Variants in ZNF407 observed in about 807,000 individuals in gnomAD.
The protein encoded by ZNF407 is zinc finger protein 407.
A neutral mutation model predicts 131.2 loss-of-function variants in ZNF407; 17 were observed. The ratio of observed to expected loss-of-function variants is 0.13; its 90% CI spans 0.09 to 0.19. The LOEUF is 0.19. Ranked by LOEUF, ZNF407 falls within the 10% of genes least tolerant of loss-of-function variation. The pLI is 1.00. For missense variants in ZNF407, 2,681 were observed against 2,830.6 expected, an observed-to-expected ratio of 0.95 and a Z score of 1.20; for synonymous variants, 1,156 against 1,062.0, an observed-to-expected ratio of 1.09 and a Z score of -1.72.
chr18:74,724,757 G>T (rs1968118081), intron 3 of ZNF407, among the ~76,000 whole-genome samples: 1 of 152,086 alleles, frequency 6.6e-6, no homozygotes, highest in African/African-American at 2.4e-5. Context: ...CATGTTGGTT[G>T]TTCACAGTTT....
intron 3 of ZNF407, among the ~76,000 whole-genome samples, chr18:74,759,302 A>G (rs995562916): frequency 1.3e-5 from 2 of 152,086 alleles, no homozygotes; most frequent in Non-Finnish European, 2.9e-5. Flanking sequence ...GACAGTTTGA[A>G]TATGTGGTAT....
intron 8 of ZNF407, among the ~76,000 whole-genome samples, chr18:75,020,645 T>C (rs188692329): frequency 6.6e-6 from 1 of 152,280 alleles, no homozygotes; most frequent in East Asian, 1.9e-4. Flanking sequence ...ATTAGAGCTA[T>C]AATCAATTAG....
chr18:75,028,085 A>G (rs1181694051), intron 8 of ZNF407, among the ~76,000 whole-genome samples: 1 of 152,196 alleles, frequency 6.6e-6, no homozygotes, highest in African/African-American at 2.4e-5. Flanking sequence ...TACTCATTCA[A>G]AACTGTGTTT....
rs1178021697 is a variant in ZNF407 at position 75,063,692 on chromosome 18, G to A, written c.5971G>A (p.Ala1991Thr). The stretch of plus-strand genomic sequence containing the variant: ...CCCCGAGGCATCCTCAGCCCTGGAT[G>A]CATTGCTCTGTGCGGTCACTGAATT... ...APPEASSALD[A>T]LLCAVTELGE... Residue 1991 changes from alanine to threonine, a missense_variant, in exon 9 of 9, where the codon GCA (alanine) becomes ACA (threonine). Coordinates refer to ENST00000299687, the MANE Select transcript of ZNF407 (RefSeq NM_017757.3). This position sits in a 1 kb window ranked among gnomAD's most constrained non-coding sequence, Gnocchi z 6.6. The A allele has an allele frequency of 4.3e-6, 7 of 1,611,698 alleles. No individual in the cohort carries two copies. The highest frequency in any genetic ancestry group is 2.2e-5 in the East Asian group (1 of 44,838).
At chr18:75,051,072 G>GT (rs2033647698) in intron 8 of ZNF407, among the ~76,000 whole-genome samples, 4 of 152,166 alleles carry the variant, frequency 2.6e-5, no homozygotes, top group Admixed American at 2.6e-4. Flanking sequence ...AGCTCTCGGT[G>GT]TAGCAGGAAA....
rs768780666 is a variant in ZNF407 at position 74,631,584 on chromosome 18, A to G, written c.565A>G (p.Ser189Gly). ...GAATGTAGATACAGTTCTCAAATGC[A>G]GCATCTGTGGGCATTTGTTTTCTTC... ...IGNVDTVLKC[S>G]ICGHLFSSCS... Residue 189 changes from serine (S) to glycine (G), a missense_variant, in exon 2 of 9, where the codon AGC becomes GGC. Ser to Gly is a moderately conservative substitution (Grantham distance 56). Around this residue, in one of 6 missense-constraint regions of ZNF407, gnomAD observed 1,789 missense variants for 1,748.7 expected, o/e 1.02. Transcript: ENST00000299687. 13 of 1,613,680 alleles carry G rather than the reference A, an allele frequency of 8.1e-6. No individual in the cohort carries two copies. The East Asian group carries it at 2.7e-4, about 33-fold the overall frequency.
intron 8 of ZNF407, among the ~76,000 whole-genome samples, chr18:74,962,915 A>G (rs755759218): frequency 4.6e-5 from 7 of 152,242 alleles, no homozygotes; most frequent in Non-Finnish European, 1.0e-4. Flanking sequence ...GGCAGTGTCT[A>G]TGTTCCTGGC....
chr18:74,856,903 C>CA (rs1970866732), intron 4 of ZNF407, among the ~76,000 whole-genome samples: 1 of 152,150 alleles, frequency 6.6e-6, no homozygotes, highest in Non-Finnish European at 1.5e-5. Context: ...AAGCCAGGAA[C>CA]AAGACACTGG....
At chr18:74,710,554 G>A (rs1483738679) in intron 3 of ZNF407, among the ~76,000 whole-genome samples, 1 of 152,164 alleles carries the variant, frequency 6.6e-6, no homozygotes, top group Non-Finnish European at 1.5e-5. Flanking sequence ...CACAGATACT[G>A]GAACATTGTC....
chr18:74,691,279 C>CA lies in ZNF407; in HGVS notation c.4802+50167dup, dbSNP rs952750708. 4.6e-4 allele frequency among the ~76,000 whole-genome samples: 66 copies of CA among 144,742 alleles called. 1 individual carries two copies. In the South Asian group the frequency reaches 9.4e-3, roughly 21 times the overall value. 95.0% of individuals were successfully genotyped at this position (144,742 alleles called of 152,430 possible). ...GGGCGACAAGAGCAAAACTCTGTCT[C>CA]AAAAAAAAAATAATAATAAATAATA... On this transcript the variant is annotated intron_variant, in intron 3 of 8. Transcript: ENST00000299687.
chr18:74,683,506 T>C (rs922208791), intron 3 of ZNF407, among the ~76,000 whole-genome samples: 1 of 152,218 alleles, frequency 6.6e-6, no homozygotes, highest in African/African-American at 2.4e-5. Context: ...GAACACTTTA[T>C]GTCTGAATTT....
At chr18:74,899,177 A>G (rs1466961602) in intron 7 of ZNF407, among the ~76,000 whole-genome samples, 1 of 152,214 alleles carries the variant, frequency 6.6e-6, no homozygotes, top group Non-Finnish European at 1.5e-5. Flanking sequence ...GGAAAATGAC[A>G]TAATCACACT....
intron 5 of ZNF407, 60 bp downstream of exon 5, chr18:74,877,423 G>C (rs1470679827): frequency 6.8e-7 from 1 of 1,476,060 alleles, no homozygotes; most frequent in Non-Finnish European, 9.3e-7. Flanking sequence ...GGTGGACTGT[G>C]GGAACAGAGG....
intron 3 of ZNF407, among the ~76,000 whole-genome samples, chr18:74,644,214 A>C (rs1463679923): frequency 1.5e-5 from 1 of 66,756 alleles, no homozygotes; most frequent in Non-Finnish European, 3.1e-5. Context: ...TGAGTTTCTT[A>C]CTTGTTAAAA....
In ZNF407 at chr18:74,901,453, TC is replaced by T. The variant is rs1971523733; in HGVS notation, c.5249+11417del. On this transcript the variant is annotated intron_variant, in intron 7 of 8. Transcript: ENST00000299687. ...ATGGTAGAAATAATCACCACAGTGC[TC>T]CTAAAGTAGGTTACTTCTAGCATCG... Among the ~76,000 whole-genome samples the T allele has an allele frequency of 2.0e-5, 3 of 152,244 alleles. No homozygotes were observed. In the South Asian group the frequency reaches 6.2e-4, roughly 32 times the overall value.
At chr18:75,055,085 C>T (rs910055301) in intron 8 of ZNF407, among the ~76,000 whole-genome samples, 7 of 152,174 alleles carry the variant, frequency 4.6e-5, no homozygotes, top group East Asian at 1.9e-4. Flanking sequence ...GAGTGAGAGA[C>T]GCACCCTATG....
intron 4 of ZNF407, among the ~76,000 whole-genome samples, chr18:74,816,986 T>C (rs12965857): frequency 6.6e-6 from 1 of 152,164 alleles, no homozygotes; most frequent in Admixed American, 6.6e-5. Flanking sequence ...TAAAATCTTG[T>C]TGTTATTTTA....
intron 8 of ZNF407, among the ~76,000 whole-genome samples, chr18:75,015,681 G>T (rs1386549607): frequency 1.3e-5 from 2 of 151,128 alleles, no homozygotes; most frequent in Non-Finnish European, 3.0e-5. Context: ...TAATGGAAAG[G>T]CTTTTTACCG....
At position 74,818,240 on chromosome 18, in the gene ZNF407, G is replaced by T. The variant is rs141969778; in HGVS notation, c.4877+36738G>T. 4.1e-3 allele frequency among the ~76,000 whole-genome samples: 621 copies of T among 152,302 alleles called. 13 individuals are homozygous for T. In the East Asian group the frequency reaches 0.059, roughly 14 times the overall value. The stretch of plus-strand genomic sequence containing the variant: ...TGGAGAAGCAGTGCCAGCAGCAAAC[G>T]CAGGCATTCTCTCTCGAGCATAGCG... On this transcript the variant is annotated intron_variant, in intron 4 of 8. Transcript: ENST00000299687.
Sources: gnomAD v4.1 joint callset for allele counts (sites outside exome capture counted in the v4.1 genomes callset) on GRCh38, gnomAD v4.1.1 for gene constraint, gnomAD v4.1.1 regional missense constraint, Gnocchi (gnomAD v3.1) non-coding constraint, MANE v1.5 for transcripts, NCBI Gene and HGNC (gene_info 2026-07-23, HGNC 2026-07-21) for gene names.